SLC30A5: variants seen among roughly 807,000 people sequenced by gnomAD.
SLC30A5 encodes proton-coupled zinc antiporter SLC30A5.
SLC30A5 carries 33 observed loss-of-function variants against 79.6 expected under a neutral mutation model. The ratio of observed to expected loss-of-function variants is 0.41; its 90% confidence interval spans 0.31 to 0.55. The LOEUF (loss-of-function observed/expected upper bound fraction) is 0.55. SLC30A5 is among the 20% of genes least tolerant of loss of function. The pLI, the probability that SLC30A5 is intolerant of heterozygous loss-of-function variation, is 0.20. For synonymous variants in SLC30A5, 299 were observed against 319.7 expected, an observed-to-expected ratio of 0.94 and a Z score of 0.69; for missense variants, 788 against 928.1, an observed-to-expected ratio of 0.85 and a Z score of 1.96.
intron 14 of SLC30A5, among the ~76,000 whole-genome samples, chr5:69,126,441 A>G (rs908592381): frequency 6.6e-6 from 1 of 152,098 alleles, no homozygotes; most frequent in African/African-American, 2.4e-5. Flanking sequence ...CGCCTGGCCT[A>G]AAGTATTTTT....
chr5:69,095,773 T>C (rs547904172), intron 1 of SLC30A5, among the ~76,000 whole-genome samples: 10 of 152,052 alleles, frequency 6.6e-5, no homozygotes, highest in Admixed American at 6.6e-4. Context: ...AAAAGTTTCA[T>C]ATCAGGCCGG....
In SLC30A5 at chr5:69,108,426, G is replaced by A; in HGVS notation, c.437G>A (p.Gly146Glu). ...GTTTTGTTCACCAGTTCTGGAGGAG[G>A]ACCAGCAAAGGTAGAATTTTCCATT... The part of the protein sequence containing the change: ...LSVLFTSSGG[G>E]PAKTRGAAFF... Residue 146 changes from glycine (G) to glutamate (E), a missense_variant, in exon 5 of 16, where the codon GGA becomes GAA. By Grantham distance (98) the Gly-to-Glu change is moderately conservative. Coordinates refer to ENST00000396591, the MANE Select transcript of SLC30A5 (RefSeq NM_022902.5). 6.2e-7 allele frequency: 1 copy of A among 1,611,446 alleles called. No individual in the cohort carries two copies. The highest frequency in any genetic ancestry group is 8.5e-7 in the Non-Finnish European group (1 of 1,177,802).
At position 69,100,843 on chromosome 5, in the gene SLC30A5, A is replaced by T; in HGVS notation, c.120A>T (p.Lys40Asn). Residue 40 changes from lysine to asparagine, a missense_variant, in exon 2 of 16, where the codon AAA (lysine) becomes AAT (asparagine). Lys to Asn is a moderately conservative substitution (Grantham distance 94, BLOSUM62 0). Coordinates refer to ENST00000396591, the MANE Select transcript of SLC30A5 (RefSeq NM_022902.5). ...TKYIVLLCFT[K>N]FLKAVGLFES... ...ATATTGTGTTACTATGTTTCACTAA[A>T]TTTTTGAAGGCTGTGGGACTTTTCG... 6.2e-7 allele frequency: 1 copy of T among 1,605,772 alleles called. No individual in the cohort carries two copies. The highest frequency in any genetic ancestry group is 8.5e-7 in the Non-Finnish European group (1 of 1,173,810).
chr5:69,121,994 T>G lies in SLC30A5; in HGVS notation c.1771+99T>G, dbSNP rs954900489. On this transcript the variant is annotated intron_variant, in intron 13 of 15. Coordinates refer to ENST00000396591, the MANE Select transcript of SLC30A5 (RefSeq NM_022902.5). ...GTTTTGGGCTTCTGGTATGATATGA[T>G]TTTTAAAAAGCAATCTGTGACTAAA... 9.3e-6 allele frequency: 9 copies of G among 966,758 alleles called. No individual in the cohort carries two copies. In the East Asian group the frequency reaches 1.9e-4, roughly 20 times the overall value. 59.9% of individuals were successfully genotyped at this position (966,758 alleles called of 1,614,324 possible). A position where few individuals can be genotyped will look rare whatever the true frequency, so the allele number is the denominator to read the frequency against.
chr5:69,115,545 T>C (rs1458965286), intron 8 of SLC30A5, 138 bp downstream of exon 8: 9 of 711,600 alleles, frequency 1.3e-5, no homozygotes, highest in East Asian at 2.9e-5. Flanking sequence ...GCTTTTTCTT[T>C]GTAGTTTTTT....
rs1746338905 is a variant in SLC30A5 at position 69,115,338 on chromosome 5, A to G, written c.714A>G (p.Gln238=). The change falls in exon 8 of 16, where the codon CAA becomes CAG. Residue 238 remains glutamine (Q), a synonymous_variant. Coordinates refer to ENST00000396591, the MANE Select transcript of SLC30A5 (RefSeq NM_022902.5). The stretch of plus-strand genomic sequence containing the variant: ...ACGTTGGTGGAGCTAAACGTCTTCA[A>G]GCTTTATCTCATCTTGTTTCTGTGC... ...SVDVGGAKRL[Q]ALSHLVSVLL... The G allele has an allele frequency of 1.2e-6, 2 of 1,614,014 alleles. No individual in the cohort carries two copies. Among genetic ancestry groups the G allele is most frequent in the Non-Finnish European group, 8.5e-7 (1 of 1,179,972 alleles).
rs768665809 is a variant in SLC30A5 at position 69,118,558 on chromosome 5, C to A, written c.1499C>A (p.Ala500Glu). 1.2e-6 allele frequency: 2 copies of A among 1,602,332 alleles called. No individual in the cohort carries two copies. Among genetic ancestry groups the A allele is most frequent in the Non-Finnish European group, 1.7e-6 (2 of 1,174,502 alleles). Residue 500 changes from alanine (A) to glutamate (E), a missense_variant, in exon 12 of 16, where the codon GCG (alanine) becomes GAG (glutamate). Ala to Glu is a moderately radical substitution (Grantham distance 107, BLOSUM62 -1). Transcript: ENST00000396591. ...FINGLFLIVI[A>E]FFVFMESVAR... ...AATGGACTTTTTCTAATAGTAATAG[C>A]GTTTTTTGTGTTTATGGAGTCAGTG...
At chr5:69,096,266 G>A (rs1052920251) in intron 1 of SLC30A5, among the ~76,000 whole-genome samples, 2 of 152,098 alleles carry the variant, frequency 1.3e-5, no homozygotes, top group Non-Finnish European at 2.9e-5. Flanking sequence ...AACACAGGAC[G>A]ATACATTAAC....
intron 14 of SLC30A5, among the ~76,000 whole-genome samples, chr5:69,127,410 C>T (rs935599001): frequency 6.7e-6 from 1 of 150,134 alleles, no homozygotes; most frequent in Non-Finnish European, 1.5e-5. Context: ...GGGTGGATTG[C>T]CTGAACTCAG....
In SLC30A5 at chr5:69,104,728, T is replaced by G; in HGVS notation, c.359+12T>G. 6.3e-7 allele frequency: 1 copy of G among 1,599,614 alleles called. No homozygotes were observed. On this transcript the variant is annotated intron_variant, in intron 4 of 15. Coordinates refer to ENST00000396591, the MANE Select transcript of SLC30A5 (RefSeq NM_022902.5). ...TGTGGACCACTAAGGTAAATAAAAA[T>G]GCATATTTTGAATGTGTGTTTGTAT...
At chr5:69,105,040 G>A (rs916221333) in intron 4 of SLC30A5, among the ~76,000 whole-genome samples, 3 of 152,098 alleles carry the variant, frequency 2.0e-5, no homozygotes, top group African/African-American at 7.2e-5. Context: ...ATAATAAAAG[G>A]TCTGAAGTGG....
intron 14 of SLC30A5, 129 bp downstream of exon 14, chr5:69,123,554 C>G (rs1197919744): frequency 2.9e-6 from 2 of 683,136 alleles, no homozygotes; most frequent in East Asian, 2.7e-5. Context: ...TATAAAGTAG[C>G]ATTTAAAATT....
chr5:69,110,007 C>T (rs1746188714), intron 5 of SLC30A5, among the ~76,000 whole-genome samples: 1 of 152,166 alleles, frequency 6.6e-6, no homozygotes. Flanking sequence ...AATCAACACG[C>T]TTTGTGGGTA....
At chr5:69,103,712 G>C (rs1437458815) in intron 3 of SLC30A5, among the ~76,000 whole-genome samples, 1 of 152,184 alleles carries the variant, frequency 6.6e-6, no homozygotes, top group African/African-American at 2.4e-5. Context: ...CATTGTCACT[G>C]TTCTCTTTAG....
At chr5:69,103,662 A>G (rs1745996283) in intron 3 of SLC30A5, among the ~76,000 whole-genome samples, 1 of 152,224 alleles carries the variant, frequency 6.6e-6, no homozygotes, top group Non-Finnish European at 1.5e-5. Context: ...TCTTAGAATG[A>G]TGCCTCATCA....
At chr5:69,097,193 G>A (rs1246112005) in intron 1 of SLC30A5, among the ~76,000 whole-genome samples, 1 of 133,284 alleles carries the variant, frequency 7.5e-6, no homozygotes, top group Non-Finnish European at 1.5e-5. Flanking sequence ...TCGGCTCACT[G>A]CAAGCTCCGC....
At chr5:69,126,432 G>T (rs984164014) in intron 14 of SLC30A5, among the ~76,000 whole-genome samples, 1 of 151,294 alleles carries the variant, frequency 6.6e-6, no homozygotes, top group African/African-American at 2.4e-5. Context: ...GAGCCACCGC[G>T]CCTGGCCTAA....
At chr5:69,127,434 G>C (rs1746727708) in intron 14 of SLC30A5, among the ~76,000 whole-genome samples, 1 of 147,014 alleles carries the variant, frequency 6.8e-6, no homozygotes, top group Non-Finnish European at 1.5e-5. Flanking sequence ...TTCGAGACCA[G>C]CCTGGGCAAC....
Position 69,117,255 on chromosome 5 carries a change from A to G in SLC30A5, c.1298A>G (p.Glu433Gly). 1 of 1,611,412 alleles carries G rather than the reference A, an allele frequency of 6.2e-7. No individual in the cohort carries two copies. The highest frequency in any genetic ancestry group is 8.5e-7 in the Non-Finnish European group (1 of 1,178,534). Residue 433 changes from glutamate to glycine, a missense_variant, in exon 11 of 16, where the codon GAA becomes GGA. By Grantham distance (98) the Glu-to-Gly change is moderately conservative. Coordinates refer to ENST00000396591, the MANE Select transcript of SLC30A5 (RefSeq NM_022902.5). ...CATTTTTAGCTTTTTACCTTTGTGG[A>G]ATTATTCTATGGCGTGCTGACCAAT... is the stretch of plus-strand genomic sequence containing the variant. ...LCLNLLFTFV[E>G]LFYGVLTNSL...
Sources: gnomAD v4.1 joint callset for allele counts (sites outside exome capture counted in the v4.1 genomes callset) on GRCh38, gnomAD v4.1.1 for gene constraint, MANE v1.5 for transcripts, NCBI Gene and HGNC (gene_info 2026-07-23, HGNC 2026-07-21) for gene names.